The following PTPRO variants were observed in gnomAD, a reference collection of about 807,000 sequenced individuals.
The protein encoded by PTPRO is protein tyrosine phosphatase receptor type O.
In PTPRO, 62 loss-of-function variants were observed where a neutral mutation model predicts 145.2. The ratio of observed to expected loss-of-function variants is 0.43; its 90% CI spans 0.35 to 0.53. The LOEUF is 0.53. Ranked by LOEUF, PTPRO falls within the 20% of genes least tolerant of loss-of-function variation. The pLI, the probability that PTPRO is intolerant of heterozygous loss-of-function variation, is 0.01. For missense variants in PTPRO, 1,345 were observed against 1,482.7 expected (o/e 0.91, Z 1.53); for synonymous variants, 565 against 514.7 (o/e 1.10, Z -1.32).
rs536686846 is a variant in PTPRO, at chr12:15,571,281, C to CTTTTG, written c.2829+1803_2829+1807dup. 1.5e-3 allele frequency among the ~76,000 whole-genome samples: 232 copies of CTTTTG among 151,848 alleles called. 1 individual carries two copies. The highest frequency in any genetic ancestry group is 5.2e-3 in the African/African-American group (216 of 41,426). On this transcript the variant is annotated intron_variant, in intron 19 of 26. Coordinates refer to ENST00000281171, the MANE Select transcript of PTPRO (RefSeq NM_030667.3). ...CAACAAACAACCTCTTTTTCTGTCACTTTTGTTTTGTTTTGTTTTGTTTTT... is the reference window on the plus strand; with the variant it reads ...CAACAAACAACCTCTTTTTCTGTCACTTTTGTTTTGTTTTGTTTTGTTTTGTTTTT...
chr12:15,499,691 C>T (rs1330391564), intron 4 of PTPRO, 97 bp downstream of exon 4: 3 of 1,373,728 alleles, frequency 2.2e-6, no homozygotes, highest in African/African-American at 1.5e-5. Context: ...TGATCCAGAG[C>T]AAAGAAAGAA....
Position 15,557,476 on chromosome 12 carries a change from T to A in PTPRO, c.2580T>A (p.Phe860Leu), listed in dbSNP as rs1565427186. Reference protein sequence around the residue: ...QMARECGAGTFVNFASLERDG... With the variant: ...QMARECGAGTLVNFASLERDG... ...ACAGGGAGTGTGGAGCTGGTACATT[T>A]GTCAATTTTGCATCCTTAGAGAGGG... is the stretch of plus-strand genomic sequence containing the variant. The change falls in exon 16 of 27, where the codon TTT becomes TTA. Residue 860 changes from phenylalanine to leucine, a missense_variant. By Grantham distance (22) the Phe-to-Leu change is conservative. Around this residue, in one of 3 missense-constraint regions of PTPRO, gnomAD observed 1,130 missense variants for 1,214.7 expected, o/e 0.93. Coordinates refer to ENST00000281171, the MANE Select transcript of PTPRO (RefSeq NM_030667.3). The A allele has an allele frequency of 6.2e-7, 1 of 1,614,018 alleles. No individual in the cohort carries two copies. The highest frequency in any genetic ancestry group is 2.2e-5 in the East Asian group (1 of 44,862).
At chr12:15,546,262 T>C (rs982925206) in intron 12 of PTPRO, 2 of 1,035,522 alleles carry the variant, frequency 1.9e-6, no homozygotes, top group African/African-American at 3.4e-5. Context: ...ATCAGGGCAA[T>C]GCTAACTTCA....
chr12:15,372,677 T>C (rs1004507836), intron 1 of PTPRO, among the ~76,000 whole-genome samples: 1 of 152,178 alleles, frequency 6.6e-6, no homozygotes, highest in Non-Finnish European at 1.5e-5. Flanking sequence ...ACATTGCCTA[T>C]ATTAGTAAAT....
At chr12:15,414,991 A>G (rs963746699) in intron 1 of PTPRO, among the ~76,000 whole-genome samples, 1 of 152,208 alleles carries the variant, frequency 6.6e-6, no homozygotes, top group African/African-American at 2.4e-5. Context: ...CTCTTCAAGA[A>G]TAAGCTCAAA....
chr12:15,484,872 A>AT (rs897925952), intron 2 of PTPRO, among the ~76,000 whole-genome samples: 3 of 151,852 alleles, frequency 2.0e-5, no homozygotes, highest in South Asian at 2.1e-4. Context: ...ACTCCATGTG[A>AT]TTTTTTTTCA....
intron 1 of PTPRO, among the ~76,000 whole-genome samples, chr12:15,360,603 CTT>C (rs1938143216): frequency 2.0e-5 from 3 of 151,142 alleles, no homozygotes; most frequent in African/African-American, 4.9e-5. Context: ...TAGTATCTCT[CTT>C]TCTCTCTCTC....
At chr12:15,356,777 A>G (rs1938002463) in intron 1 of PTPRO, among the ~76,000 whole-genome samples, 1 of 152,132 alleles carries the variant, frequency 6.6e-6, no homozygotes, top group Non-Finnish European at 1.5e-5. Context: ...AAATATAGTG[A>G]TTGCTCAGAA....
intron 24 of PTPRO, among the ~76,000 whole-genome samples, chr12:15,588,576 A>G (rs1944478099): frequency 6.6e-6 from 1 of 152,150 alleles, no homozygotes; most frequent in Non-Finnish European, 1.5e-5. Flanking sequence ...ACTATCTCAA[A>G]GGTCCCTGTG....
At chr12:15,391,750 G>C (rs546811282) in intron 1 of PTPRO, among the ~76,000 whole-genome samples, 21 of 152,254 alleles carry the variant, frequency 1.4e-4, no homozygotes, top group African/African-American at 4.8e-4. Context: ...TTTGTCTTCT[G>C]GTCAAAACAA....
intron 1 of PTPRO, among the ~76,000 whole-genome samples, chr12:15,388,343 T>C (rs1454790792): frequency 6.6e-6 from 1 of 152,226 alleles, no homozygotes; most frequent in Non-Finnish European, 1.5e-5. Context: ...ATAGAAGAGA[T>C]AGCCACTCAC....
At chr12:15,586,794 G>A (rs1237293123) in intron 23 of PTPRO, 103 bp from the exon 24 acceptor site, 2 of 1,302,824 alleles carry the variant, frequency 1.5e-6, no homozygotes, top group Admixed American at 3.4e-5. Context: ...GACCAGGAGT[G>A]GAACGTGGCT....
intron 12 of PTPRO, among the ~76,000 whole-genome samples, chr12:15,543,774 A>T (rs1325175959): frequency 3.3e-5 from 5 of 152,190 alleles, no homozygotes; most frequent in African/African-American, 1.2e-4. Context: ...TCATTAAGAG[A>T]AAGAGTCACC....
chr12:15,348,675 T>C (rs1661089328), intron 1 of PTPRO: 1 of 152,060 alleles, frequency 6.6e-6, no homozygotes, highest in East Asian at 2.0e-4. Context: ...TAGTCCCAGA[T>C]ACTCGGGAGG....
chr12:15,365,094 C>A (rs1033025951), intron 1 of PTPRO, among the ~76,000 whole-genome samples: 1 of 152,050 alleles, frequency 6.6e-6, no homozygotes, highest in African/African-American at 2.4e-5. Flanking sequence ...TGACCATGTT[C>A]TTCTAATTTT....
At chr12:15,342,395 ATATGT>A (rs750192666) in intron 1 of PTPRO, among the ~76,000 whole-genome samples, 1 of 149,916 alleles carries the variant, frequency 6.7e-6, no homozygotes, top group African/African-American at 2.4e-5. Flanking sequence ...ATCATCTTTC[ATATGT>A]TATATTTGAG....
At chr12:15,477,484 T>C (rs999833137) in intron 1 of PTPRO, among the ~76,000 whole-genome samples, 2 of 151,510 alleles carry the variant, frequency 1.3e-5, no homozygotes, top group African/African-American at 4.9e-5. Flanking sequence ...ACATGTACCC[T>C]AAAACTTAAA....
intron 1 of PTPRO, among the ~76,000 whole-genome samples, chr12:15,423,627 A>T (rs779490411): frequency 5.3e-5 from 8 of 152,200 alleles, no homozygotes; most frequent in Non-Finnish European, 1.2e-4. Context: ...ATTTTGATTT[A>T]TTCACATCCA....
intron 1 of PTPRO, among the ~76,000 whole-genome samples, chr12:15,345,636 T>C (rs1191849312): frequency 4.6e-5 from 7 of 151,910 alleles, no homozygotes; most frequent in African/African-American, 1.7e-4. Context: ...TTAGGAGAAA[T>C]ACCTAATGTT....
Sources: allele counts gnomAD v4.1 joint callset (sites outside exome capture counted in the v4.1 genomes callset), GRCh38; gene constraint gnomAD v4.1.1; regional missense constraint gnomAD v4.1.1; transcripts MANE v1.5; gene names NCBI Gene and HGNC (gene_info 2026-07-23, HGNC 2026-07-21).